The following PSD3 variants were observed in gnomAD, a reference collection of about 807,000 sequenced individuals.
PSD3 encodes the protein PH and SEC7 domain-containing protein 3.
Under a neutral mutation model 105.5 loss-of-function variants are expected in PSD3, and 49 were observed. The ratio of observed to expected loss-of-function variants is 0.46; its 90% CI spans 0.37 to 0.59. The LOEUF (loss-of-function observed/expected upper bound fraction) is 0.59, where lower values mean the gene tolerates loss of function less well. Among genes scored for constraint, PSD3 ranks in the 20% least tolerant of loss-of-function variants. The probability of loss-of-function intolerance (pLI) is 0.00; values close to 1 mark genes in which losing one functional copy is unlikely to be tolerated. For synonymous variants in PSD3, 557 were observed against 457.8 expected, an observed-to-expected ratio of 1.22 and a Z score of -2.77; for missense variants, 1,561 against 1,263.8, an observed-to-expected ratio of 1.24 and a Z score of -3.57.
At chr8:18,728,455 G>A (rs551671823) in intron 9 of PSD3, among the ~76,000 whole-genome samples, 50 of 152,336 alleles carry the variant, frequency 3.3e-4, no homozygotes, top group South Asian at 2.5e-3. Context: ...CGGAAGACTT[G>A]AAGGGTGAGT....
chr8:18,568,737 G>A (rs563322735), intron 14 of PSD3, among the ~76,000 whole-genome samples: 56 of 151,658 alleles, frequency 3.7e-4, no homozygotes, highest in African/African-American at 9.4e-4. Flanking sequence ...TTAAGTTTTC[G>A]GGTACATGTG....
chr8:19,064,255 C>G (rs982426799), intron 1 of PSD3, among the ~76,000 whole-genome samples: 1 of 152,130 alleles, frequency 6.6e-6, no homozygotes, highest in African/African-American at 2.4e-5. Flanking sequence ...TAATTAAAGA[C>G]ACCTTTAGTG....
chr8:19,014,603 G>C (rs576422056), upstream of PSD3: 2 of 152,390 alleles, frequency 1.3e-5, no homozygotes, highest in African/African-American at 4.8e-5. This position sits in a 1 kb window ranked among gnomAD's most constrained non-coding sequence, Gnocchi z 4.9. Context: ...CTGTGTGGCC[G>C]GCTACAGGGT....
intron 4 of PSD3, among the ~76,000 whole-genome samples, chr8:18,844,936 C>T (rs944945941): frequency 1.3e-5 from 2 of 152,144 alleles, no homozygotes; most frequent in South Asian, 4.1e-4. Context: ...TCAGTTCATT[C>T]CAAATTGGTG....
In PSD3 at chr8:18,780,530, G is replaced by A. The variant is rs111924522; in HGVS notation, c.2083-14992C>T. Among the ~76,000 whole-genome samples, 595 of 151,968 alleles carry A rather than the reference G, an allele frequency of 3.9e-3. 6 individuals are homozygous for A. Among genetic ancestry groups the A allele is most frequent in the African/African-American group, 0.014 (571 of 41,442 alleles). On this transcript the variant is annotated intron_variant, in intron 8 of 15. Transcript: ENST00000327040. ...TGTGGTTTGCTGGTTTTCTGTAGTAGTAACACTTGCCTCCTCTATTTATTT... is the reference window on the plus strand; with the variant it reads ...TGTGGTTTGCTGGTTTTCTGTAGTAATAACACTTGCCTCCTCTATTTATTT...
At chr8:18,764,180 G>T (rs1248124404) in intron 9 of PSD3, among the ~76,000 whole-genome samples, 2 of 152,050 alleles carry the variant, frequency 1.3e-5, no homozygotes, top group Non-Finnish European at 2.9e-5. Flanking sequence ...TTTCATTTCT[G>T]ACATAAGTTG....
intron 1 of PSD3, among the ~76,000 whole-genome samples, chr8:18,945,118 A>G (rs1442993995): frequency 3.3e-5 from 5 of 152,172 alleles, no homozygotes; most frequent in African/African-American, 1.2e-4. Flanking sequence ...TCACTGTGGT[A>G]GACTAAATAA....
At chr8:18,787,789 T>C (rs1375845736) in intron 8 of PSD3, among the ~76,000 whole-genome samples, 1 of 152,202 alleles carries the variant, frequency 6.6e-6, no homozygotes, top group African/African-American at 2.4e-5. Flanking sequence ...AAATTTATCA[T>C]TTCTGGAAGA....
intron 9 of PSD3, among the ~76,000 whole-genome samples, chr8:18,657,995 C>T (rs17695569): frequency 0.052 from 7,953 of 152,144 alleles, 279 homozygotes; most frequent in African/African-American, 0.1. Flanking sequence ...ATATTTTGTT[C>T]AAAGAGAAGT....
At chr8:18,739,414 A>G (rs549728982) in intron 9 of PSD3, among the ~76,000 whole-genome samples, 3 of 152,332 alleles carry the variant, frequency 2.0e-5, no homozygotes, top group African/African-American at 7.2e-5. Context: ...AAAACAACAC[A>G]TGTAAATACA....
In PSD3 at chr8:18,867,707, G is replaced by C; in HGVS notation, c.1601C>G (p.Thr534Arg). ...GAAAGCAATCTCCGGGGTGCCTTTCGTGTAGATGGAGTCGCTGGCATCATT... is the reference window on the plus strand; with the variant it reads ...GAAAGCAATCTCCGGGGTGCCTTTCCTGTAGATGGAGTCGCTGGCATCATT... ...GLNDASDSIY[T>R]KGTPEIAFWG... Residue 534 changes from threonine (T) to arginine (R), a missense_variant, in exon 4 of 16, where the codon ACG (threonine) becomes AGG (arginine). By Grantham distance (71) the Thr-to-Arg change is moderately conservative. Transcript: ENST00000327040. 6.2e-7 allele frequency: 1 copy of C among 1,613,862 alleles called. No homozygotes were observed. The highest frequency in any genetic ancestry group is 8.5e-7 in the Non-Finnish European group (1 of 1,179,854).
chr8:18,953,585 C>T (rs2129470210), intron 1 of PSD3, among the ~76,000 whole-genome samples: 1 of 152,110 alleles, frequency 6.6e-6, no homozygotes, highest in Non-Finnish European at 1.5e-5. Context: ...CCCATCTCTA[C>T]TAAAATTACA....
chr8:18,912,209 G>C (rs558428343), intron 2 of PSD3, among the ~76,000 whole-genome samples: 1 of 152,136 alleles, frequency 6.6e-6, no homozygotes, highest in African/African-American at 2.4e-5. Context: ...GATATAACAG[G>C]GAATATTTGT....
chr8:18,840,015 T>G (rs1254114941), intron 4 of PSD3, among the ~76,000 whole-genome samples: 1 of 152,202 alleles, frequency 6.6e-6, no homozygotes, highest in South Asian at 2.1e-4. Context: ...CATTATTACA[T>G]GGAGGAACAA....
At chr8:18,773,447 T>C (rs1196468967) in intron 8 of PSD3, among the ~76,000 whole-genome samples, 1 of 152,180 alleles carries the variant, frequency 6.6e-6, no homozygotes, top group Admixed American at 6.5e-5. Flanking sequence ...TTCAAAACTG[T>C]TATGATTATT....
At chr8:18,796,930 T>A (rs772901445) in intron 8 of PSD3, among the ~76,000 whole-genome samples, 1 of 152,162 alleles carries the variant, frequency 6.6e-6, no homozygotes, top group Non-Finnish European at 1.5e-5. Context: ...ATAATTCATT[T>A]TATCTCCTGC....
chr8:18,684,815 G>T (rs992696358), intron 9 of PSD3, among the ~76,000 whole-genome samples: 4 of 152,188 alleles, frequency 2.6e-5, no homozygotes, highest in African/African-American at 9.7e-5. Context: ...CGGGCAACAA[G>T]CAGCAAGCAG....
At chr8:18,663,999 G>T (rs1380234014) in intron 9 of PSD3, among the ~76,000 whole-genome samples, 1 of 152,098 alleles carries the variant, frequency 6.6e-6, no homozygotes, top group Non-Finnish European at 1.5e-5. Context: ...ATTGTTTTGG[G>T]GAGCCATTAA....
chr8:18,696,071 G>T (rs941178397), intron 9 of PSD3, among the ~76,000 whole-genome samples: 1 of 152,184 alleles, frequency 6.6e-6, no homozygotes, highest in Non-Finnish European at 1.5e-5. Context: ...GAAAAAAGGT[G>T]CCTGGCCCAG....
Sources: gnomAD v4.1 joint callset for allele counts (sites outside exome capture counted in the v4.1 genomes callset) on GRCh38, gnomAD v4.1.1 for gene constraint, Gnocchi (gnomAD v3.1) non-coding constraint, MANE v1.5 for transcripts, NCBI Gene and HGNC (gene_info 2026-07-23, HGNC 2026-07-21) for gene names.